The following MTUS1 variants were observed in gnomAD, a reference collection of about 807,000 sequenced individuals.
The protein encoded by MTUS1 is microtubule associated scaffold protein 1.
Under a neutral mutation model 120.8 loss-of-function variants are expected in MTUS1, and 109 were observed. The ratio of observed to expected loss-of-function variants is 0.90; its 90% CI spans 0.77 to 1.06. The LOEUF is 1.06. MTUS1 is among the 50% of genes least tolerant of loss of function. The pLI is 0.00. For synonymous variants in MTUS1, 737 were observed against 550.5 expected, an observed-to-expected ratio of 1.34 and a Z score of -4.74; for missense variants, 2,210 against 1,486.3, an observed-to-expected ratio of 1.49 and a Z score of -8.01.
At chr8:17,678,076 T>C (rs1317535975) in intron 7 of MTUS1, among the ~76,000 whole-genome samples, 17 of 152,120 alleles carry the variant, frequency 1.1e-4, no homozygotes, top group Admixed American at 6.5e-4. Context: ...GGGCTTTAAA[T>C]ACCATCCATA....
intron 8 of MTUS1, among the ~76,000 whole-genome samples, chr8:17,670,638 T>C (rs768349815): frequency 2.6e-5 from 4 of 151,926 alleles, no homozygotes; most frequent in African/African-American, 4.8e-5. Context: ...GCCTGACCAA[T>C]ATGGTGAATC....
At chr8:17,788,550 G>A (rs139784730) in intron 1 of MTUS1, among the ~76,000 whole-genome samples, 54 of 152,256 alleles carry the variant, frequency 3.5e-4, no homozygotes, top group African/African-American at 1.3e-3. Context: ...AGTAGGGTAC[G>A]ACAGCCACAG....
At chr8:17,647,435 T>A (rs1460236932) in intron 13 of MTUS1, among the ~76,000 whole-genome samples, 1 of 150,612 alleles carries the variant, frequency 6.6e-6, no homozygotes, top group Admixed American at 6.7e-5. Context: ...AGCTTATCTA[T>A]CTCCTTACGG....
intron 8 of MTUS1, among the ~76,000 whole-genome samples, chr8:17,664,744 C>A (rs888373143): frequency 6.6e-6 from 1 of 152,044 alleles, no homozygotes. Flanking sequence ...AAGGGAAATC[C>A]GAGGAAATCC....
intron 1 of MTUS1, among the ~76,000 whole-genome samples, chr8:17,783,159 C>T (rs1035552094): frequency 6.6e-6 from 1 of 152,206 alleles, no homozygotes; most frequent in Non-Finnish European, 1.5e-5. Context: ...AGAAGGCAAC[C>T]TGGCTTGACT....
intron 3 of MTUS1, among the ~76,000 whole-genome samples, chr8:17,736,137 G>T (rs758584630): frequency 2.0e-5 from 3 of 152,180 alleles, no homozygotes; most frequent in African/African-American, 7.2e-5. Flanking sequence ...CCTGCACTGT[G>T]ACATATTAAG....
intron 1 of MTUS1, among the ~76,000 whole-genome samples, chr8:17,799,734 A>G (rs1349670090): frequency 6.6e-6 from 1 of 152,186 alleles, no homozygotes; most frequent in Non-Finnish European, 1.5e-5. Flanking sequence ...TTTTCTACCA[A>G]GCAGATTTAC....
chr8:17,720,324 G>A (rs769257025), intron 4 of MTUS1, among the ~76,000 whole-genome samples: 19 of 149,842 alleles, frequency 1.3e-4, no homozygotes, highest in South Asian at 4.2e-4. Flanking sequence ...CAGCCTGGGC[G>A]ACAAGAGCGA....
At chr8:17,732,738 C>T (rs1427707252) in intron 3 of MTUS1, among the ~76,000 whole-genome samples, 1 of 152,112 alleles carries the variant, frequency 6.6e-6, no homozygotes, top group East Asian at 1.9e-4. Context: ...AAGGCTGCAC[C>T]ATTCTTCCAT....
At chr8:17,744,627 T>G in intron 2 of MTUS1, among the ~76,000 whole-genome samples, 1 of 150,926 alleles carries the variant, frequency 6.6e-6, no homozygotes, top group Non-Finnish European at 1.5e-5. Context: ...TTTTTGTAGC[T>G]AAGTTTTGTA....
In MTUS1 at chr8:17,656,013, T is replaced by C. The variant is rs761580621; in HGVS notation, c.2958A>G (p.Gln986=). The change falls in exon 9 of 15, where the codon CAA becomes CAG. Residue 986 remains glutamine (Q), a synonymous_variant. Coordinates refer to ENST00000693296, the MANE Select transcript of MTUS1 (RefSeq NM_001363059.2). ...EKLEKARNEL[Q]TVYEAFVQQH... ...GCTGGACGAATGCTTCATACACTGT[T>C]TGTAACTCATTCCTGGCTTTTTCTA... The C allele has an allele frequency of 1.9e-6, 3 of 1,614,030 alleles. 1 individual carries two copies. Among genetic ancestry groups the C allele is most frequent in the Non-Finnish European group, 2.5e-6 (3 of 1,179,856 alleles).
chr8:17,662,823 C>A (rs1810050679), intron 8 of MTUS1, among the ~76,000 whole-genome samples: 1 of 138,228 alleles, frequency 7.2e-6, no homozygotes, highest in South Asian at 2.4e-4. Flanking sequence ...AAATACAGTT[C>A]TCAGGATTTA....
intron 8 of MTUS1, among the ~76,000 whole-genome samples, chr8:17,657,799 CAAAAAAA>C (rs1216051789): frequency 1.1e-5 from 1 of 91,260 alleles, no homozygotes; most frequent in South Asian, 3.8e-4. Context: ...GACCCTATCT[CAAAAAAA>C]AAAAAAAAAA....
chr8:17,712,164 A>C (rs1017302036), intron 6 of MTUS1, among the ~76,000 whole-genome samples: 2 of 152,246 alleles, frequency 1.3e-5, no homozygotes, highest in African/African-American at 4.8e-5. Flanking sequence ...TGCAAAAAGC[A>C]CAGTATTTGC....
At chr8:17,721,930 G>A (rs780399957) in intron 4 of MTUS1, 34 of 1,593,710 alleles carry the variant, frequency 2.1e-5, no homozygotes, top group Non-Finnish European at 3.4e-6. Context: ...GCTTAAGCAG[G>A]AAAAACTGCA....
At chr8:17,740,157 G>A (rs1041987840) in intron 3 of MTUS1, among the ~76,000 whole-genome samples, 3 of 151,574 alleles carry the variant, frequency 2.0e-5, no homozygotes, top group East Asian at 1.9e-4. Context: ...GCAGTGATCC[G>A]AGATTGCACC....
At chr8:17,749,137 G>T (rs891241907) in intron 2 of MTUS1, among the ~76,000 whole-genome samples, 4 of 152,114 alleles carry the variant, frequency 2.6e-5, no homozygotes, top group African/African-American at 7.2e-5. Context: ...CGAAGGGTTG[G>T]AATTCAGGCA....
intron 3 of MTUS1, among the ~76,000 whole-genome samples, chr8:17,736,973 G>A (rs903914057): frequency 6.6e-6 from 1 of 152,146 alleles, no homozygotes; most frequent in African/African-American, 2.4e-5. Flanking sequence ...GCTCCCTAAT[G>A]GAAGGAACGG....
At chr8:17,682,312 T>G (rs1814711453) in intron 7 of MTUS1, among the ~76,000 whole-genome samples, 1 of 152,040 alleles carries the variant, frequency 6.6e-6, no homozygotes, top group African/African-American at 2.4e-5. Context: ...GGTCAGGAGT[T>G]CAAGACCAGC....
Sources: gnomAD v4.1 joint callset for allele counts (sites outside exome capture counted in the v4.1 genomes callset) on GRCh38, gnomAD v4.1.1 for gene constraint, MANE v1.5 for transcripts, NCBI Gene and HGNC (gene_info 2026-07-23, HGNC 2026-07-21) for gene names.